Variants in INPP4A observed in about 807,000 individuals in gnomAD.
INPP4A encodes inositol polyphosphate-4-phosphatase, type I, 107kD.
In INPP4A, 33 loss-of-function variants were observed where a neutral mutation model predicts 119.8. The ratio of observed to expected loss-of-function variants is 0.28; its 90% CI spans 0.21 to 0.37. INPP4A has a LOEUF of 0.37. INPP4A is among the 10% of genes least tolerant of loss of function. INPP4A has a pLI of 1.00. For missense variants in INPP4A, 956 were observed against 1,289.9 expected (o/e 0.74, Z 3.97); for synonymous variants, 496 against 500.7 (o/e 0.99, Z 0.12).
Position 98,533,407 on chromosome 2 carries a change from A to G in INPP4A, c.182A>G (p.Asp61Gly), listed in dbSNP as rs1445796140. 1 of 1,613,600 alleles carries G rather than the reference A, an allele frequency of 6.2e-7. No individual in the cohort carries two copies. The highest frequency in any genetic ancestry group is 2.2e-5 in the East Asian group (1 of 44,878). The part of the protein sequence containing the change: ...ACSELHTPSL[D>G]RKPNSFVAVS... ...AGTGAGCTGCATACTCCATCGCTAGATCGAAAGCCAAATAGTTTTGTTGCG... is the reference window on the plus strand; with the variant it reads ...AGTGAGCTGCATACTCCATCGCTAGGTCGAAAGCCAAATAGTTTTGTTGCG... The change falls in exon 5 of 25, where the codon GAT (aspartate) becomes GGT (glycine). Residue 61 changes from aspartate to glycine, a missense_variant. Physicochemically the swap from Asp to Gly is moderately conservative, Grantham distance 94. Transcript: ENST00000409851.
rs548866650 is a variant in INPP4A at position 98,462,772 on chromosome 2, C to T, written c.-166+17687C>T. Among the ~76,000 whole-genome samples, 4 of 152,264 alleles carry T rather than the reference C, an allele frequency of 2.6e-5. No individual in the cohort carries two copies. In the South Asian group the frequency reaches 8.3e-4, roughly 32 times the overall value. On this transcript the variant is annotated intron_variant, in intron 1 of 24. Transcript: ENST00000409851. ...CTGGGCTCAAGCAATCCACCTGCCTCAGCTTTTCAAAGTGCTGGGATTACT... is the reference window on the plus strand; with the variant it reads ...CTGGGCTCAAGCAATCCACCTGCCTTAGCTTTTCAAAGTGCTGGGATTACT...
At position 98,548,891 on chromosome 2, in the gene INPP4A, G is replaced by GT. The variant is rs2106139926; in HGVS notation, c.1163+2202dup. 2.7e-6 allele frequency: 4 copies of GT among 1,492,704 alleles called. No homozygotes were observed. In the East Asian group the frequency reaches 9.1e-5, roughly 34 times the overall value. 92.5% of individuals were successfully genotyped at this position (1,492,704 alleles called of 1,614,324 possible). A position where few individuals can be genotyped will look rare whatever the true frequency, so the allele number is the denominator to read the frequency against. On this transcript the variant is annotated intron_variant, in intron 13 of 24. Coordinates refer to ENST00000409851, the MANE Select transcript of INPP4A (RefSeq NM_001134225.2). ...AAATAAGTTGGCTTTTTAATTTTTT[G>GT]TTTTTGCATTTGGTATTTGCTAACA...
chr2:98,456,871 T>C (rs1696228561), intron 1 of INPP4A, among the ~76,000 whole-genome samples: 1 of 152,226 alleles, frequency 6.6e-6, no homozygotes, highest in African/African-American at 2.4e-5. Context: ...GATTATTTAA[T>C]TATTCTTTAA....
chr2:98,567,716 G>A (rs1696727469), intron 21 of INPP4A, among the ~76,000 whole-genome samples: 2 of 152,206 alleles, frequency 1.3e-5, no homozygotes, highest in African/African-American at 4.8e-5. Context: ...TCACTGGTGA[G>A]CTGGGCTTGT....
intron 13 of INPP4A, among the ~76,000 whole-genome samples, chr2:98,550,847 T>G (rs1041617851): frequency 6.6e-6 from 1 of 152,166 alleles, no homozygotes; most frequent in Non-Finnish European, 1.5e-5. Flanking sequence ...GCAGAGGGTA[T>G]GTATTTGTTG....
At chr2:98,480,326 G>GT (rs1678149392) in intron 1 of INPP4A, among the ~76,000 whole-genome samples, 1 of 152,214 alleles carries the variant, frequency 6.6e-6, no homozygotes, top group Non-Finnish European at 1.5e-5. Context: ...TCTAGGATCA[G>GT]TTTATTAATC....
intron 1 of INPP4A, among the ~76,000 whole-genome samples, chr2:98,450,445 CTTT>C (rs1695027369): frequency 6.6e-6 from 1 of 152,224 alleles, no homozygotes; most frequent in African/African-American, 2.4e-5. Context: ...GCATACACAT[CTTT>C]CGAAACCATT....
chr2:98,562,234 T>C (rs1470472389), intron 17 of INPP4A, among the ~76,000 whole-genome samples: 2 of 152,254 alleles, frequency 1.3e-5, no homozygotes, highest in Non-Finnish European at 1.5e-5. Flanking sequence ...TGCCTGCATG[T>C]ACAATTAGGC....
intron 24 of INPP4A, among the ~76,000 whole-genome samples, chr2:98,584,043 G>T (rs1167383219): frequency 6.6e-6 from 1 of 152,204 alleles, no homozygotes; most frequent in African/African-American, 2.4e-5. Context: ...TTGTGGCATA[G>T]CTCCTGGTGG....
At chr2:98,524,631 G>A (rs1337319862) in intron 4 of INPP4A, among the ~76,000 whole-genome samples, 1 of 152,106 alleles carries the variant, frequency 6.6e-6, no homozygotes, top group Admixed American at 6.6e-5. Context: ...ACCTTGCATA[G>A]GTGTCAAGAA....
intron 10 of INPP4A, among the ~76,000 whole-genome samples, chr2:98,543,168 C>T (rs940796985): frequency 7.9e-5 from 12 of 152,204 alleles, no homozygotes; most frequent in South Asian, 6.2e-4. Flanking sequence ...TACATAGACA[C>T]GGAAGGAAGA....
intron 3 of INPP4A, 39 bp from the exon 4 acceptor site, chr2:98,520,648 T>G: frequency 1.5e-6 from 2 of 1,330,466 alleles, no homozygotes; most frequent in Non-Finnish European, 2.1e-6. Flanking sequence ...GAGAAAAGTT[T>G]ATTAAGGATG....
chr2:98,465,595 T>G (rs1024656856), intron 1 of INPP4A, among the ~76,000 whole-genome samples: 2 of 152,142 alleles, frequency 1.3e-5, no homozygotes, highest in Admixed American at 1.3e-4. Context: ...CTGTCCCACA[T>G]ACAGTGGGCT....
intron 23 of INPP4A, among the ~76,000 whole-genome samples, chr2:98,574,513 C>T (rs958331527): frequency 5.9e-5 from 9 of 152,042 alleles, no homozygotes; most frequent in African/African-American, 2.2e-4. Flanking sequence ...TGACGCATGC[C>T]TGTAATCCCA....
chr2:98,516,274 C>G (rs1475328206), intron 1 of INPP4A, among the ~76,000 whole-genome samples: 1 of 152,094 alleles, frequency 6.6e-6, no homozygotes, highest in Non-Finnish European at 1.5e-5. Context: ...ATTAAATGTC[C>G]CCAAATAACT....
At chr2:98,550,276 G>C (rs1693269017) in intron 13 of INPP4A, among the ~76,000 whole-genome samples, 2 of 152,234 alleles carry the variant, frequency 1.3e-5, no homozygotes, top group South Asian at 4.1e-4. Flanking sequence ...CAGGCAGAAG[G>C]AGTGTCCCTG....
intron 1 of INPP4A, among the ~76,000 whole-genome samples, chr2:98,491,727 A>G (rs1680823312): frequency 6.6e-6 from 1 of 152,190 alleles, no homozygotes; most frequent in South Asian, 2.1e-4. Flanking sequence ...CCTTAGGGGC[A>G]CACAGTCATG....
chr2:98,566,270 T>C lies in INPP4A; in HGVS notation c.2420+101T>C. On this transcript the variant is annotated intron_variant, in intron 21 of 24. Coordinates refer to ENST00000409851, the MANE Select transcript of INPP4A (RefSeq NM_001134225.2). The surrounding 1 kb of genome is among the most constrained non-coding windows in gnomAD (Gnocchi z 4.2). ...CAGGCTCTAAGTGCTGGACAGACTT[T>C]GTCATCCTTCCTTCCTTTGGCCAAC... The C allele has an allele frequency of 7.9e-7, 1 of 1,268,424 alleles. No homozygotes were observed. Among genetic ancestry groups the C allele is most frequent in the South Asian group, 1.7e-5 (1 of 58,344 alleles). The allele number at this position is 1,268,424 out of a possible 1,614,324, so 78.6% of individuals were successfully genotyped here.
chr2:98,563,396 G>C, intron 17 of INPP4A, 69 bp from the exon 18 acceptor site: 1 of 1,452,282 alleles, frequency 6.9e-7, no homozygotes, highest in African/African-American at 1.4e-5. Context: ...CAGGTGACTT[G>C]TTAAATTGCC....
Sources: allele counts gnomAD v4.1 joint callset (sites outside exome capture counted in the v4.1 genomes callset), GRCh38; gene constraint gnomAD v4.1.1; non-coding constraint Gnocchi (gnomAD v3.1); transcripts MANE v1.5; gene names NCBI Gene and HGNC (gene_info 2026-07-23, HGNC 2026-07-21).